Variants in FAM184B observed in about 807,000 individuals in gnomAD.
FAM184B encodes the protein family with sequence similarity 184 member B.
A neutral mutation model predicts 135.9 loss-of-function variants in FAM184B; 111 were observed. That is an observed-to-expected ratio of 0.82 (90% CI 0.70 to 0.96). The LOEUF is 0.96. FAM184B is among the 40% of genes least tolerant of loss of function. The pLI is 0.00. For synonymous variants in FAM184B, 552 were observed against 524.8 expected (o/e 1.05, Z -0.71); for missense variants, 1,375 against 1,323.9 (o/e 1.04, Z -0.60).
rs187547694 is a variant in FAM184B at position 17,693,170 on chromosome 4, G to A, written c.1488+132C>T. On this transcript the variant is annotated intron_variant, in intron 6 of 17. Transcript: ENST00000265018. ...CTCTGTTACTTGCAGCTAAATGCAC[G>A]CCCCCCGAGACAGCCTGCCTGTCTG... is the stretch of plus-strand genomic sequence containing the variant. 6.1e-5 allele frequency: 37 copies of A among 606,298 alleles called. No individual in the cohort carries two copies. The East Asian group carries it at 8.5e-4, about 14-fold the overall frequency. 37.6% of individuals were successfully genotyped at this position (606,298 alleles called of 1,614,324 possible).
chr4:17,643,895 A>G (rs748384306), intron 12 of FAM184B, among the ~76,000 whole-genome samples: 5 of 152,200 alleles, frequency 3.3e-5, no homozygotes, highest in Non-Finnish European at 5.9e-5. Flanking sequence ...GATCCAGTCT[A>G]GGCAACAAGG....
rs1715082373 is a variant in FAM184B at position 17,635,044 on chromosome 4, TGAAAGA to T, written c.2848_2853del (p.Ser950_Phe951del). Reference sequence around the variant, plus strand: ...GGGGTCAAATATCCCGGGTGAGGATTGAAAGAGAAAGACCGATTCCGGTGGGACATG... The same window carrying T: ...GGGGTCAAATATCCCGGGTGAGGATTGAAAGACCGATTCCGGTGGGACATG... On this transcript the variant is annotated inframe_deletion, in exon 16 of 18. Coordinates refer to ENST00000265018, the MANE Select transcript of FAM184B (RefSeq NM_015688.2). 2 of 1,551,906 alleles carry T rather than the reference TGAAAGA, an allele frequency of 1.3e-6. No individual in the cohort carries two copies. The highest frequency in any genetic ancestry group is 8.7e-7 in the Non-Finnish European group (1 of 1,147,014).
intron 1 of FAM184B, among the ~76,000 whole-genome samples, chr4:17,750,078 T>G (rs1330162850): frequency 6.6e-6 from 1 of 152,224 alleles, no homozygotes; most frequent in African/African-American, 2.4e-5. Context: ...GCTTTTTTCC[T>G]ATTTTGGATT....
At chr4:17,636,463 C>T in intron 15 of FAM184B, 65 bp downstream of exon 15, 3 of 1,259,376 alleles carry the variant, frequency 2.4e-6, no homozygotes, top group South Asian at 2.6e-5. Flanking sequence ...AAGTGAACGC[C>T]CCTCCCGGGG....
At chr4:17,736,695 G>A (rs1371342704) in intron 1 of FAM184B, among the ~76,000 whole-genome samples, 1 of 152,112 alleles carries the variant, frequency 6.6e-6, no homozygotes, top group Non-Finnish European at 1.5e-5. Flanking sequence ...CTTAGGTTGG[G>A]GATGAACTAG....
intron 1 of FAM184B, among the ~76,000 whole-genome samples, chr4:17,777,359 TC>T (rs1407730185): frequency 6.6e-6 from 1 of 152,164 alleles, no homozygotes; most frequent in African/African-American, 2.4e-5. Context: ...AGGGAAGATT[TC>T]TTTGGGGTGA....
At chr4:17,773,370 G>A (rs1718860118) in intron 1 of FAM184B, among the ~76,000 whole-genome samples, 1 of 152,198 alleles carries the variant, frequency 6.6e-6, no homozygotes, top group Non-Finnish European at 1.5e-5. Context: ...AACTGGCAGA[G>A]ATCCAAAACA....
At chr4:17,682,371 CAG>C (rs1716463644) in intron 7 of FAM184B, among the ~76,000 whole-genome samples, 1 of 152,158 alleles carries the variant, frequency 6.6e-6, no homozygotes, top group East Asian at 1.9e-4. Context: ...TTAGTGGGGA[CAG>C]AGTCACACCC....
In FAM184B at chr4:17,758,718, G is replaced by A. The variant is rs114975121; in HGVS notation, c.141+22441C>T. ...ATTAAATGGCACTTAGCAGGCGAGA[G>A]CCTGAATGACAGCTGCACACTGCTC... On this transcript the variant is annotated intron_variant, in intron 1 of 17. Coordinates refer to ENST00000265018, the MANE Select transcript of FAM184B (RefSeq NM_015688.2). Among the ~76,000 whole-genome samples the A allele has an allele frequency of 1.0e-3, 156 of 152,348 alleles. 1 individual carries two copies. The highest frequency in any genetic ancestry group is 3.7e-3 in the African/African-American group (152 of 41,576).
At chr4:17,720,467 G>T (rs1002449245) in intron 1 of FAM184B, among the ~76,000 whole-genome samples, 1 of 152,166 alleles carries the variant, frequency 6.6e-6, no homozygotes, top group Non-Finnish European at 1.5e-5. Context: ...ATGCTCATTA[G>T]AATGGCTATC....
intron 7 of FAM184B, among the ~76,000 whole-genome samples, chr4:17,685,316 C>T (rs373553176): frequency 2.1e-4 from 31 of 150,916 alleles, no homozygotes; most frequent in African/African-American, 7.3e-4. Flanking sequence ...TTTGGGAGGC[C>T]GAGGCAGGCG....
intron 8 of FAM184B, among the ~76,000 whole-genome samples, chr4:17,660,543 A>C (rs999083781): frequency 6.6e-6 from 1 of 152,136 alleles, no homozygotes; most frequent in African/African-American, 2.4e-5. Flanking sequence ...AAGCATGGTC[A>C]CACATTTTAC....
At chr4:17,711,523 C>T (rs1717271686) in intron 1 of FAM184B, among the ~76,000 whole-genome samples, 1 of 151,532 alleles carries the variant, frequency 6.6e-6, no homozygotes, top group African/African-American at 2.4e-5. Context: ...AAAAGCTGGG[C>T]ATGGTGGCAC....
In FAM184B at chr4:17,635,104, T is replaced by G; in HGVS notation, c.2794A>C (p.Arg932=). The G allele has an allele frequency of 1.3e-6, 2 of 1,551,294 alleles. No homozygotes were observed. The highest frequency in any genetic ancestry group is 1.7e-6 in the Non-Finnish European group (2 of 1,146,612). The change falls in exon 16 of 18, where the codon AGA becomes CGA. Residue 932 remains arginine, a synonymous_variant. Coordinates refer to ENST00000265018, the MANE Select transcript of FAM184B (RefSeq NM_015688.2). ...CTGGGGAATGCTGCGTAGTGAAATC[T>G]TCTCTCTTCCTAGAAAACCAATACA... is the stretch of plus-strand genomic sequence containing the variant. ...DIIKQLTEER[R]FHYAAFPSAM...
chr4:17,768,887 C>G (rs1227793187), intron 1 of FAM184B, among the ~76,000 whole-genome samples: 1 of 151,994 alleles, frequency 6.6e-6, no homozygotes, highest in African/African-American at 2.4e-5. Flanking sequence ...TCACTGCAAC[C>G]TCCGTTCCCG....
At chr4:17,646,670 G>A (rs1407057937) in intron 12 of FAM184B, among the ~76,000 whole-genome samples, 1 of 152,148 alleles carries the variant, frequency 6.6e-6, no homozygotes, top group Non-Finnish European at 1.5e-5. Context: ...CATGGCACAT[G>A]CACACATATG....
chr4:17,766,002 T>C (rs1240455700), intron 1 of FAM184B, among the ~76,000 whole-genome samples: 1 of 152,222 alleles, frequency 6.6e-6, no homozygotes. Context: ...ATGATCTAAC[T>C]GGCTTCAACA....
chr4:17,671,950 C>CA (rs74640534), intron 7 of FAM184B, among the ~76,000 whole-genome samples: 80,196 of 150,668 alleles, frequency 0.53, 23,384 homozygotes, highest in East Asian at 0.83. Context: ...GTCAAAGATG[C>CA]AAAAAGAAAA....
intron 12 of FAM184B, among the ~76,000 whole-genome samples, chr4:17,645,961 A>C (rs567809252): frequency 6.6e-6 from 1 of 152,374 alleles, no homozygotes; most frequent in South Asian, 2.1e-4. Flanking sequence ...TATGCAGCCA[A>C]AAGACACATG....
Sources: allele counts gnomAD v4.1 joint callset (sites outside exome capture counted in the v4.1 genomes callset), GRCh38; gene constraint gnomAD v4.1.1; transcripts MANE v1.5; gene names NCBI Gene and HGNC (gene_info 2026-07-23, HGNC 2026-07-21).